PTPRT: variants seen among roughly 807,000 people sequenced by gnomAD.
The protein encoded by PTPRT is protein tyrosine phosphatase receptor type T, also known as receptor-type tyrosine-protein phosphatase T.
In PTPRT, 56 loss-of-function variants were observed where a neutral mutation model predicts 176.8. The ratio of observed to expected loss-of-function variants is 0.32; its 90% CI spans 0.26 to 0.40. The LOEUF (loss-of-function observed/expected upper bound fraction) is 0.40, where lower values mean the gene tolerates loss of function less well. Ranked by LOEUF, PTPRT falls within the 10% of genes least tolerant of loss-of-function variation. PTPRT has a pLI of 1.00. For synonymous variants in PTPRT, 783 were observed against 739.0 expected, an observed-to-expected ratio of 1.06 and a Z score of -0.96; for missense variants, 1,540 against 1,908.2, an observed-to-expected ratio of 0.81 and a Z score of 3.60.
intron 9 of PTPRT, among the ~76,000 whole-genome samples, chr20:42,373,686 T>G (rs2058616577): frequency 6.6e-6 from 1 of 152,196 alleles, no homozygotes; most frequent in African/African-American, 2.4e-5. Flanking sequence ...ACCACAATTC[T>G]GTGTAGCATG....
At chr20:42,050,323 A>G in the PTPRT span, among the ~76,000 whole-genome samples, 1 of 152,172 alleles carries the variant, frequency 6.6e-6, no homozygotes, top group African/African-American at 2.4e-5. Flanking sequence ...ACTCTTGCCT[A>G]GACACTGTTT....
At chr20:42,836,438 C>T (rs551274512) in intron 2 of PTPRT, among the ~76,000 whole-genome samples, 14 of 152,324 alleles carry the variant, frequency 9.2e-5, no homozygotes, top group South Asian at 2.1e-4. Flanking sequence ...CTGCAAAGCC[C>T]TCCCAGATTA....
chr20:42,607,991 TC>T lies in PTPRT; in HGVS notation c.1153+69874del, dbSNP rs1342119539. Among the ~76,000 whole-genome samples, 6 of 152,246 alleles carry T rather than the reference TC, an allele frequency of 3.9e-5. No homozygotes were observed. In the East Asian group the frequency reaches 1.2e-3, roughly 29 times the overall value. On this transcript the variant is annotated intron_variant, in intron 7 of 30. Coordinates refer to ENST00000373187, the MANE Select transcript of PTPRT (RefSeq NM_007050.6). ...GCCGTGTGTCACAGCTTACAGAGCA[TC>T]TTCATGTGCCACCCAATCATCTATG...
chr20:42,242,135 T>C (rs566656435), intron 14 of PTPRT, among the ~76,000 whole-genome samples: 1 of 152,324 alleles, frequency 6.6e-6, no homozygotes, highest in East Asian at 1.9e-4. Context: ...CAAAATTTTG[T>C]GGCAATGTGC....
rs1434569367 is a variant in PTPRT, at chr20:42,343,113, T to A, written c.1865+7515A>T. Among the ~76,000 whole-genome samples the A allele has an allele frequency of 2.0e-5, 3 of 152,278 alleles. No individual in the cohort carries two copies. The East Asian group carries it at 5.8e-4, about 29-fold the overall frequency. Reference sequence around the variant, plus strand: ...AAGCAACCTAAGAAAGCAGGTCTCATGTCCTAACTGACCTTGTAAAAGGTC... The same window carrying A: ...AAGCAACCTAAGAAAGCAGGTCTCAAGTCCTAACTGACCTTGTAAAAGGTC... On this transcript the variant is annotated intron_variant, in intron 11 of 30. Coordinates refer to ENST00000373187, the MANE Select transcript of PTPRT (RefSeq NM_007050.6).
At chr20:42,478,733 AT>A (rs1218181612) in intron 7 of PTPRT, among the ~76,000 whole-genome samples, 3 of 151,642 alleles carry the variant, frequency 2.0e-5, no homozygotes, top group African/African-American at 4.8e-5. Context: ...CCTCGATGAC[AT>A]TTTTTTTCCT....
chr20:42,058,377 G>T, the PTPRT span, among the ~76,000 whole-genome samples: 2 of 152,156 alleles, frequency 1.3e-5, no homozygotes, highest in Admixed American at 1.3e-4. Context: ...TCACACCAGT[G>T]CATGCAGTTT....
intron 1 of PTPRT, among the ~76,000 whole-genome samples, chr20:43,083,116 C>A (rs954253176): frequency 2.0e-5 from 3 of 151,814 alleles, no homozygotes; most frequent in African/African-American, 7.3e-5. Context: ...CTCATTGTAT[C>A]ACTGGTGGGC....
intron 3 of PTPRT, among the ~76,000 whole-genome samples, chr20:42,782,385 C>T (rs756597876): frequency 2.5e-4 from 38 of 152,200 alleles, no homozygotes; most frequent in Non-Finnish European, 5.3e-4. Flanking sequence ...GTCCAGGTCA[C>T]AGATCTGTAT....
At chr20:42,598,273 AT>A (rs1249025794) in intron 7 of PTPRT, among the ~76,000 whole-genome samples, 18 of 152,350 alleles carry the variant, frequency 1.2e-4, no homozygotes, top group African/African-American at 4.3e-4. Context: ...GTAAAATAAC[AT>A]ACAGCTATTA....
chr20:42,098,587 A>T (rs1985534531), intron 26 of PTPRT, 35 bp from the exon 27 acceptor site: 26 of 1,612,644 alleles, frequency 1.6e-5, no homozygotes, highest in Non-Finnish European at 2.2e-5. Flanking sequence ...CGTAAATTAC[A>T]CATCCATCAG....
chr20:42,818,252 C>A (rs1179908891), intron 2 of PTPRT, among the ~76,000 whole-genome samples: 4 of 151,942 alleles, frequency 2.6e-5, no homozygotes, highest in African/African-American at 7.3e-5. Flanking sequence ...CTAAAGTGAA[C>A]CCCCAGCAAA....
At chr20:42,414,078 C>T (rs935637278) in intron 9 of PTPRT, among the ~76,000 whole-genome samples, 2 of 152,162 alleles carry the variant, frequency 1.3e-5, no homozygotes, top group Admixed American at 6.5e-5. Context: ...GTGATCAGCC[C>T]GCCTCCGCTT....
intron 2 of PTPRT, among the ~76,000 whole-genome samples, chr20:42,820,305 C>G (rs2077868812): frequency 6.6e-6 from 1 of 152,154 alleles, no homozygotes; most frequent in African/African-American, 2.4e-5. Context: ...GAACAACCTG[C>G]TCCTGAATGA....
At chr20:42,265,136 T>C (rs1256030764) in intron 13 of PTPRT, among the ~76,000 whole-genome samples, 1 of 152,198 alleles carries the variant, frequency 6.6e-6, no homozygotes, top group East Asian at 1.9e-4. Context: ...TGGGGAAACT[T>C]TGGGGCTCAA....
rs888877730 is a variant in PTPRT, at chr20:42,351,973, A to G, written c.1762+111T>C. ...AACTCACTAGGGACTGGATCGTCCT[A>G]ATTCCACCCATATCACAGGGTGACA... On this transcript the variant is annotated intron_variant, in intron 10 of 30. Transcript: ENST00000373187. 3.5e-5 allele frequency: 35 copies of G among 1,011,204 alleles called. No individual in the cohort carries two copies. The East Asian group carries it at 8.4e-4, about 24-fold the overall frequency. The allele number at this position is 1,011,204 out of a possible 1,614,324, so 62.6% of individuals were successfully genotyped here.
chr20:42,682,882 T>A (rs1204089234), intron 6 of PTPRT, among the ~76,000 whole-genome samples: 1 of 152,196 alleles, frequency 6.6e-6, no homozygotes, highest in Non-Finnish European at 1.5e-5. Flanking sequence ...ACAGTTTGAC[T>A]CCCTAGAAAT....
intron 1 of PTPRT, among the ~76,000 whole-genome samples, chr20:42,938,521 A>G (rs1464028518): frequency 6.6e-6 from 1 of 152,202 alleles, no homozygotes; most frequent in Non-Finnish European, 1.5e-5. Flanking sequence ...GAGAAGGAGC[A>G]GAGGCACTGA....
At chr20:42,879,750 TGTGTGTGC>T (rs201262658) in intron 2 of PTPRT, among the ~76,000 whole-genome samples, 3,062 of 151,848 alleles carry the variant, frequency 0.02, 53 homozygotes, top group Middle Eastern at 0.051. Context: ...TGTGTGTGTG[TGTGTGTGC>T]GCGTGTGTGT....
Sources: gnomAD v4.1 joint callset for allele counts (sites outside exome capture counted in the v4.1 genomes callset) on GRCh38, gnomAD v4.1.1 for gene constraint, MANE v1.5 for transcripts, NCBI Gene and HGNC (gene_info 2026-07-23, HGNC 2026-07-21) for gene names.